The following TMEM156 variants were observed in gnomAD, a reference collection of about 807,000 sequenced individuals.
The protein encoded by TMEM156 is transmembrane protein 156.
Under a neutral mutation model 30.5 loss-of-function variants are expected in TMEM156, and 28 were observed. That is an observed-to-expected ratio of 0.92 (90% CI 0.68 to 1.26). TMEM156 has a LOEUF of 1.26. Among genes scored for constraint, TMEM156 ranks in the 50% most tolerant of loss-of-function variants. The pLI is 0.00. For synonymous variants in TMEM156, 137 were observed against 119.9 expected, an observed-to-expected ratio of 1.14 and a Z score of -0.93; for missense variants, 351 against 340.6, an observed-to-expected ratio of 1.03 and a Z score of -0.24.
intron 1 of TMEM156, among the ~76,000 whole-genome samples, chr4:39,011,029 A>C (rs1469235511): frequency 6.6e-6 from 1 of 152,172 alleles, no homozygotes; most frequent in East Asian, 1.9e-4. Flanking sequence ...CTAAGGGCTA[A>C]TATACAAAAT....
intron 3 of TMEM156, among the ~76,000 whole-genome samples, chr4:38,993,461 TA>T (rs141434296): frequency 0.36 from 53,856 of 151,204 alleles, 10,206 homozygotes; most frequent in East Asian, 0.64. Flanking sequence ...ACTGCAACAA[TA>T]AAAAAAAATT....
chr4:39,010,612 T>C (rs1009108633), intron 1 of TMEM156, among the ~76,000 whole-genome samples: 1 of 152,060 alleles, frequency 6.6e-6, no homozygotes, highest in Admixed American at 6.6e-5. Context: ...GAAATAAAGC[T>C]GCACACCTAC....
chr4:38,999,264 A>G (rs757859679), intron 1 of TMEM156, among the ~76,000 whole-genome samples: 13 of 151,982 alleles, frequency 8.6e-5, no homozygotes, highest in Non-Finnish European at 1.6e-4. Flanking sequence ...CTGCAGGGGC[A>G]TGCCACCATG....
Position 38,971,142 on chromosome 4 carries a change from T to G in TMEM156, c.824-5A>C. The G allele has an allele frequency of 6.2e-7, 1 of 1,613,748 alleles. No homozygotes were observed. Among genetic ancestry groups the G allele is most frequent in the Non-Finnish European group, 8.5e-7 (1 of 1,179,732 alleles). On this transcript the variant is annotated splice_polypyrimidine_tract_variant and splice_region_variant and intron_variant, in intron 5 of 6. Coordinates refer to ENST00000381938, the MANE Select transcript of TMEM156 (RefSeq NM_024943.3). ...GCAGCCTCTGCGTGGTCTCTGCTAT[T>G]TAAGAAGGAGAACTGTTTTAGTCTA...
chr4:38,984,359 G>C (rs1385625861), intron 5 of TMEM156, among the ~76,000 whole-genome samples: 60 of 142,912 alleles, frequency 4.2e-4, no homozygotes, highest in African/African-American at 1.6e-3. Flanking sequence ...CTGTGTGTGT[G>C]TGTGTGTGTG....
At chr4:39,023,572 G>T (rs1418424804) in intron 1 of TMEM156, among the ~76,000 whole-genome samples, 1 of 152,228 alleles carries the variant, frequency 6.6e-6, no homozygotes, top group African/African-American at 2.4e-5. Flanking sequence ...GCCAGGCATG[G>T]TGGCTCACGC....
At chr4:38,984,549 T>C (rs1409563123) in intron 5 of TMEM156, among the ~76,000 whole-genome samples, 4 of 152,108 alleles carry the variant, frequency 2.6e-5, no homozygotes, top group Admixed American at 2.6e-4. Flanking sequence ...AGAACCATGC[T>C]GACACATTTT....
chr4:38,984,490 C>T (rs921310764), intron 5 of TMEM156, among the ~76,000 whole-genome samples: 4 of 152,002 alleles, frequency 2.6e-5, no homozygotes, highest in Non-Finnish European at 4.4e-5. Flanking sequence ...ACAGTCACCA[C>T]CGCTTTGAAC....
intron 1 of TMEM156, among the ~76,000 whole-genome samples, chr4:39,024,097 G>A (rs889474112): frequency 4.6e-5 from 7 of 152,110 alleles, no homozygotes; most frequent in African/African-American, 1.4e-4. Flanking sequence ...ATGAAGTGGC[G>A]CCATCTTGGC....
intron 1 of TMEM156, among the ~76,000 whole-genome samples, chr4:39,009,773 A>C (rs1036418996): frequency 1.2e-4 from 19 of 152,340 alleles, no homozygotes; most frequent in African/African-American, 3.8e-4. Context: ...CATCTATGGC[A>C]AGCTTACAGC....
At chr4:39,017,445 C>T (rs1322057668) in intron 1 of TMEM156, among the ~76,000 whole-genome samples, 1 of 152,032 alleles carries the variant, frequency 6.6e-6, no homozygotes, top group African/African-American at 2.4e-5. Context: ...TCCCAAAGTG[C>T]TGGGATTACA....
At chr4:39,015,871 G>A (rs1189780073) in intron 1 of TMEM156, among the ~76,000 whole-genome samples, 1 of 152,070 alleles carries the variant, frequency 6.6e-6, no homozygotes, top group Non-Finnish European at 1.5e-5. Context: ...CTTTTGCTTG[G>A]CACTCATTCC....
chr4:39,015,781 T>C (rs933332613), intron 1 of TMEM156, among the ~76,000 whole-genome samples: 3 of 152,126 alleles, frequency 2.0e-5, no homozygotes, highest in African/African-American at 7.2e-5. Flanking sequence ...GGGAGATAAT[T>C]GAATCACGGG....
intron 4 of TMEM156, among the ~76,000 whole-genome samples, chr4:38,986,627 T>C (rs778556266): frequency 1.3e-5 from 2 of 150,960 alleles, no homozygotes; most frequent in Non-Finnish European, 3.0e-5. Flanking sequence ...GCCAATATGG[T>C]GAAACCCCAT....
chr4:39,031,325 G>A (rs972971302), intron 1 of TMEM156, among the ~76,000 whole-genome samples: 2 of 152,074 alleles, frequency 1.3e-5, no homozygotes, highest in African/African-American at 4.8e-5. Flanking sequence ...CTAGGTTTCA[G>A]CAATTATATC....
At chr4:39,001,724 C>T (rs200198447) in intron 1 of TMEM156, among the ~76,000 whole-genome samples, 4 of 147,542 alleles carry the variant, frequency 2.7e-5, no homozygotes, top group East Asian at 2.0e-4. Flanking sequence ...TCAGAAATAA[C>T]GCCGCATATC....
intron 1 of TMEM156, among the ~76,000 whole-genome samples, chr4:39,020,752 G>T (rs1320268121): frequency 6.6e-6 from 1 of 151,950 alleles, no homozygotes; most frequent in Admixed American, 6.6e-5. Flanking sequence ...GCTTCACCAT[G>T]TTGGCCAGGA....
chr4:38,989,463 T>TAATC (rs1429108707), intron 3 of TMEM156, among the ~76,000 whole-genome samples: 1 of 152,214 alleles, frequency 6.6e-6, no homozygotes, highest in African/African-American at 2.4e-5. Flanking sequence ...GGACAATGAA[T>TAATC]AATCAGACCC....
At chr4:39,023,277 C>T (rs955690917) in intron 1 of TMEM156, among the ~76,000 whole-genome samples, 1 of 152,184 alleles carries the variant, frequency 6.6e-6, no homozygotes, top group South Asian at 2.1e-4. Context: ...ACTCCGTCTA[C>T]AGCACTTTGT....
Sources: gnomAD v4.1 joint callset for allele counts (sites outside exome capture counted in the v4.1 genomes callset) on GRCh38, gnomAD v4.1.1 for gene constraint, MANE v1.5 for transcripts, NCBI Gene and HGNC (gene_info 2026-07-23, HGNC 2026-07-21) for gene names.